GAB3: variants seen among roughly 807,000 people sequenced by gnomAD.
GAB3 encodes the protein GRB2-associated-binding protein 3.
A neutral mutation model predicts 40.4 loss-of-function variants in GAB3; 12 were observed. The observed-to-expected ratio is 0.30, with a 90% confidence interval of 0.19 to 0.48. The LOEUF (loss-of-function observed/expected upper bound fraction) is 0.48, where lower values mean the gene tolerates loss of function less well. Ranked by LOEUF, GAB3 falls within the 20% of genes least tolerant of loss-of-function variation. The pLI, the probability that GAB3 is intolerant of heterozygous loss-of-function variation, is 0.99. For synonymous variants in GAB3, 154 were observed against 176.7 expected, an observed-to-expected ratio of 0.87 and a Z score of 1.02; for missense variants, 381 against 461.9, an observed-to-expected ratio of 0.82 and a Z score of 1.61.
rs782579481 is a variant in GAB3, at chrX:154,712,369, G to A, written c.929C>T (p.Pro310Leu). The A allele has an allele frequency of 8.3e-7, 1 of 1,211,518 alleles. No homozygotes were observed. Among genetic ancestry groups the A allele is most frequent in the Non-Finnish European group, 1.1e-6 (1 of 895,215 alleles). The change falls in exon 4 of 10, where the codon CCC (proline) becomes CTC (leucine). Residue 310 changes from proline to leucine, a missense_variant. By Grantham distance (98) the Pro-to-Leu change is moderately conservative. Transcript: ENST00000424127. ...CAGATGGCTTGGCTTAGGGGGGCGG[G>A]GAGGTGGAGTGTTGGACATAATGTC... The part of the protein sequence containing the change: ...ELDIMSNTPP[P>L]RPPKPSHLSE...
At position 154,675,786 on chromosome X, in the gene GAB3, C is replaced by T. The variant is rs782817776; in HGVS notation, c.*2392G>A. 8.9e-6 allele frequency: 1 copy of T among 112,128 alleles called. No individual in the cohort carries two copies. The highest frequency in any genetic ancestry group is 3.7e-4 in the South Asian group (1 of 2,708). The allele number at this position is 112,128 out of a possible 1,213,427, so 9.2% of individuals were successfully genotyped here. On this transcript the variant is annotated 3_prime_UTR_variant, in exon 10 of 10. Transcript: ENST00000424127. ...GGCCCTTGGTTAGAAACATAGCTCT[C>T]TCTCACACACACACATCGATCATCT...
chrX:154,706,472 C>A (rs1490971555), intron 4 of GAB3, among the ~76,000 whole-genome samples: 1 of 110,450 alleles, frequency 9.1e-6, no homozygotes, highest in Non-Finnish European at 1.9e-5. Flanking sequence ...AATGAACATG[C>A]TATCCAAAGT....
At chrX:154,719,408 C>T (rs781914228) in intron 1 of GAB3, among the ~76,000 whole-genome samples, 1 of 112,194 alleles carries the variant, frequency 8.9e-6, no homozygotes, top group Non-Finnish European at 1.9e-5. Flanking sequence ...AGACATCTCT[C>T]TCAGATCAGT....
chrX:154,717,195 A>C (rs2071058427), intron 1 of GAB3, among the ~76,000 whole-genome samples: 1 of 111,702 alleles, frequency 9.0e-6, no homozygotes, highest in Admixed American at 9.5e-5. Flanking sequence ...AAGTGTAGCC[A>C]GCTCTCCAGA....
At chrX:154,706,395 G>A (rs2070809042) in intron 4 of GAB3, among the ~76,000 whole-genome samples, 1 of 92,102 alleles carries the variant, frequency 1.1e-5, no homozygotes. Context: ...CAGCCTGGGC[G>A]ATAGTGCAAG....
intron 1 of GAB3, among the ~76,000 whole-genome samples, chrX:154,723,184 GTTTTC>G (rs1432142005): frequency 8.9e-6 from 1 of 111,922 alleles, no homozygotes; most frequent in African/African-American, 3.2e-5. Flanking sequence ...CCGGCCTTGT[GTTTTC>G]TTTTATGACA....
chrX:154,692,956 C>CAT lies in GAB3; in HGVS notation c.1530+2959_1530+2960dup, dbSNP rs1326849273. Among the ~76,000 whole-genome samples, 48 of 111,549 alleles carry CAT rather than the reference C, an allele frequency of 4.3e-4. 1 individual carries two copies. The highest frequency in any genetic ancestry group is 1.3e-3 in the African/African-American group (40 of 30,669). On this transcript the variant is annotated intron_variant, in intron 8 of 9. Coordinates refer to ENST00000424127, the MANE Select transcript of GAB3 (RefSeq NM_001081573.3). Reference sequence around the variant, plus strand: ...ATATGATCCAGAAATTCCACTTCTACATATATATATACAAACAAATTGAAA... The same window carrying CAT: ...ATATGATCCAGAAATTCCACTTCTACATATATATATATACAAACAAATTGAAA...
intron 4 of GAB3, among the ~76,000 whole-genome samples, chrX:154,707,699 T>A (rs1028680480): frequency 3.1e-4 from 35 of 111,420 alleles, no homozygotes; most frequent in Non-Finnish European, 1.1e-4. Flanking sequence ...GGACTTCTTA[T>A]CCCATGCAGT....
At chrX:154,751,297 T>C (rs1298320204), upstream of GAB3, among the ~76,000 whole-genome samples, 1 of 50,035 alleles carries the variant, frequency 2.0e-5, no homozygotes, top group African/African-American at 7.3e-5. Flanking sequence ...GGGGGGGGTG[T>C]GGGGGGGGGA....
intron 1 of GAB3, among the ~76,000 whole-genome samples, chrX:154,748,310 A>G (rs1306129409): frequency 1.8e-5 from 2 of 111,063 alleles, no homozygotes; most frequent in Non-Finnish European, 3.8e-5. Flanking sequence ...AAAATTATAT[A>G]TTTTCTGAAA....
At chrX:154,700,838 C>T (rs1477706196) in intron 4 of GAB3, among the ~76,000 whole-genome samples, 1 of 111,017 alleles carries the variant, frequency 9.0e-6, no homozygotes, top group Admixed American at 9.7e-5. Context: ...CAGCCCTCAG[C>T]CCTCAAGAGC....
chrX:154,692,001 A>G (rs2070577783), intron 8 of GAB3, among the ~76,000 whole-genome samples: 1 of 112,137 alleles, frequency 8.9e-6, no homozygotes, highest in South Asian at 3.7e-4. Flanking sequence ...TTTATACCAC[A>G]TACAAAAATT....
At chrX:154,722,971 C>T (rs1338586093) in intron 1 of GAB3, among the ~76,000 whole-genome samples, 1 of 111,435 alleles carries the variant, frequency 9.0e-6, no homozygotes, top group Non-Finnish European at 1.9e-5. Context: ...CTCCACCTCC[C>T]AGTTTCAAGC....
intron 4 of GAB3, among the ~76,000 whole-genome samples, chrX:154,709,516 C>T (rs1259712360): frequency 9.2e-6 from 1 of 109,197 alleles, no homozygotes; most frequent in Non-Finnish European, 1.9e-5. Flanking sequence ...GACAGGGTTC[C>T]ACCATATTGG....
At chrX:154,714,513 G>A (rs1215372521) in intron 2 of GAB3, among the ~76,000 whole-genome samples, 1 of 111,900 alleles carries the variant, frequency 8.9e-6, no homozygotes, top group African/African-American at 3.3e-5. Context: ...AGCCCTTTGG[G>A]TGTAATTCTC....
At position 154,676,647 on chromosome X, in the gene GAB3, AAAG is replaced by A. The variant is rs2070302077; in HGVS notation, c.*1528_*1530del. Reference sequence around the variant, plus strand: ...AAATGACTTCTTGTATGGTCTGAAAAAAGAAGACTTTGGCATTCACTTACCTGT... The same window carrying A: ...AAATGACTTCTTGTATGGTCTGAAAAAAGACTTTGGCATTCACTTACCTGT... On this transcript the variant is annotated 3_prime_UTR_variant, in exon 10 of 10. Coordinates refer to ENST00000424127, the MANE Select transcript of GAB3 (RefSeq NM_001081573.3). The A allele has an allele frequency of 8.9e-6, 1 of 112,348 alleles. No homozygotes were observed. Among genetic ancestry groups the A allele is most frequent in the Non-Finnish European group, 1.9e-5 (1 of 53,234 alleles). The allele number at this position is 112,348 out of a possible 1,213,427, so 9.3% of individuals were successfully genotyped here.
In GAB3 at chrX:154,677,719, T is replaced by G. The variant is rs1455706404; in HGVS notation, c.*459A>C. 1.4e-5 allele frequency: 2 copies of G among 146,582 alleles called. No individual in the cohort carries two copies. Among genetic ancestry groups the G allele is most frequent in the African/African-American group, 3.1e-5 (1 of 32,260 alleles). The allele number at this position is 146,582 out of a possible 1,213,427, so 12.1% of individuals were successfully genotyped here. A position where few individuals can be genotyped will look rare whatever the true frequency, so the allele number is the denominator to read the frequency against. On this transcript the variant is annotated 3_prime_UTR_variant, in exon 10 of 10. Transcript: ENST00000424127. ...GAAATGACTAGTCTGCTGAAGTCTG[T>G]GGAGTAAGATTCTGCCACCATTGCT...
At chrX:154,694,604 A>G (rs189016921) in intron 8 of GAB3, among the ~76,000 whole-genome samples, 2 of 111,357 alleles carry the variant, frequency 1.8e-5, no homozygotes, top group East Asian at 2.8e-4. Flanking sequence ...CGTGTTAGCC[A>G]GGATGGTCTC....
chrX:154,748,896 A>T (rs782731725), intron 1 of GAB3, among the ~76,000 whole-genome samples: 1 of 112,167 alleles, frequency 8.9e-6, no homozygotes, highest in African/African-American at 3.2e-5. Context: ...CGTCGAAGTG[A>T]CACATGATCA....
Sources: gnomAD v4.1 joint callset for allele counts (sites outside exome capture counted in the v4.1 genomes callset) on GRCh38, gnomAD v4.1.1 for gene constraint, MANE v1.5 for transcripts, NCBI Gene and HGNC (gene_info 2026-07-23, HGNC 2026-07-21) for gene names.